DIAPH2: variants seen among roughly 807,000 people sequenced by gnomAD.
DIAPH2 encodes protein diaphanous homolog 2.
Under a neutral mutation model 92.7 loss-of-function variants are expected in DIAPH2, and 35 were observed. The observed-to-expected ratio is 0.38, with a 90% CI of 0.29 to 0.50. The LOEUF is 0.50. Among genes scored for constraint, DIAPH2 ranks in the 20% least tolerant of loss-of-function variants. DIAPH2 has a pLI of 0.94. For synonymous variants in DIAPH2, 301 were observed against 280.4 expected (o/e 1.07, Z -0.73); for missense variants, 701 against 819.5 (o/e 0.86, Z 1.77).
At chrX:97,469,865 T>G (rs999290796) in intron 26 of DIAPH2, 1 of 1,097,402 alleles carries the variant, frequency 9.1e-7, no homozygotes, top group African/African-American at 1.9e-5. Flanking sequence ...CTCTTTTCTT[T>G]CTGCCTAAGG....
At chrX:97,528,026 G>C (rs1016855612) in intron 26 of DIAPH2, among the ~76,000 whole-genome samples, 1 of 111,505 alleles carries the variant, frequency 9.0e-6, no homozygotes. Context: ...TTTGAGAAGA[G>C]GGGGCTTATA....
chrX:96,790,530 T>G lies in DIAPH2; in HGVS notation c.447+32272T>G, dbSNP rs181839581. On this transcript the variant is annotated intron_variant, in intron 4 of 26. Coordinates refer to ENST00000324765, the MANE Select transcript of DIAPH2 (RefSeq NM_006729.5). ...CAATTGGTCATTACCTTGTTGCTTT[T>G]GGAAGAACAATTATGGCTGTTTTAT... Among the ~76,000 whole-genome samples, 184 of 112,022 alleles carry G rather than the reference T, an allele frequency of 1.6e-3. 2 individuals are homozygous for G. The highest frequency in any genetic ancestry group is 5.7e-3 in the African/African-American group (176 of 30,904).
chrX:97,531,203 G>A (rs4828088), intron 26 of DIAPH2, among the ~76,000 whole-genome samples: 43,008 of 110,266 alleles, frequency 0.39, 6,035 homozygotes, highest in East Asian at 0.53. Flanking sequence ...TTCTCCTTCC[G>A]TCTTCCCCCT....
chrX:97,258,046 C>T (rs1002515756), intron 23 of DIAPH2, among the ~76,000 whole-genome samples: 22 of 107,164 alleles, frequency 2.1e-4, no homozygotes, highest in Admixed American at 8.0e-4. Context: ...GCTAACTTTG[C>T]TTTTTGTATG....
chrX:97,374,306 A>C, intron 24 of DIAPH2, among the ~76,000 whole-genome samples: 1 of 111,756 alleles, frequency 8.9e-6, no homozygotes, highest in East Asian at 2.8e-4. Flanking sequence ...GGTCTGTTAT[A>C]CTTCTGTGTT....
At chrX:96,957,217 C>T (rs753652033) in intron 15 of DIAPH2, among the ~76,000 whole-genome samples, 4 of 112,140 alleles carry the variant, frequency 3.6e-5, no homozygotes, top group East Asian at 2.8e-4. Context: ...GACAGGGTTT[C>T]GCCATGTTGG....
chrX:96,900,308 G>T (rs1023214311), intron 5 of DIAPH2, among the ~76,000 whole-genome samples: 1 of 111,257 alleles, frequency 9.0e-6, no homozygotes, highest in Non-Finnish European at 1.9e-5. Flanking sequence ...ACTGATTTGT[G>T]TACATTGATT....
chrX:97,235,730 C>T lies in DIAPH2; in HGVS notation c.2720-11985C>T, dbSNP rs1466598336. Among the ~76,000 whole-genome samples the T allele has an allele frequency of 3.6e-5, 4 of 110,346 alleles. No individual in the cohort carries two copies. The Admixed American group carries it at 3.9e-4, about 11-fold the overall frequency. The stretch of plus-strand genomic sequence containing the variant: ...CGGTGTCCTACAAGACCCTACCTAC[C>T]TCTCAAACTTCATCTCAAATTTTTT... On this transcript the variant is annotated intron_variant, in intron 22 of 26. Coordinates refer to ENST00000324765, the MANE Select transcript of DIAPH2 (RefSeq NM_006729.5).
intron 4 of DIAPH2, among the ~76,000 whole-genome samples, chrX:96,876,295 C>A (rs2065178293): frequency 8.9e-6 from 1 of 111,763 alleles, no homozygotes; most frequent in Admixed American, 9.5e-5. Context: ...AATAGGAACA[C>A]TTTGACACTG....
chrX:97,391,455 C>T (rs984544583), intron 25 of DIAPH2, among the ~76,000 whole-genome samples: 3 of 111,158 alleles, frequency 2.7e-5, no homozygotes, highest in African/African-American at 6.5e-5. Flanking sequence ...ATTGCCATTG[C>T]GAGGTATGTA....
At chrX:97,582,670 G>C (rs1338779527) in intron 26 of DIAPH2, among the ~76,000 whole-genome samples, 1 of 107,513 alleles carries the variant, frequency 9.3e-6, no homozygotes, top group Non-Finnish European at 1.9e-5. Context: ...TGCTCTTCTC[G>C]AGGAGTATCT....
At chrX:97,109,527 A>C (rs2066965054) in intron 20 of DIAPH2, among the ~76,000 whole-genome samples, 1 of 111,410 alleles carries the variant, frequency 9.0e-6, no homozygotes, top group Admixed American at 9.5e-5. Context: ...GAATGCAGAT[A>C]ATTGTTTCCC....
intron 5 of DIAPH2, chrX:96,885,024 G>A (rs1323704868): frequency 2.5e-6 from 3 of 1,208,809 alleles, no homozygotes; most frequent in African/African-American, 3.5e-5. Flanking sequence ...TCAAGGAAGC[G>A]ATTGATTATC....
At chrX:96,791,755 C>A (rs1042255133) in intron 4 of DIAPH2, among the ~76,000 whole-genome samples, 1 of 110,923 alleles carries the variant, frequency 9.0e-6, no homozygotes, top group Non-Finnish European at 1.9e-5. Flanking sequence ...CCTCCAATAA[C>A]GTTTACTGAC....
At chrX:97,581,063 T>A (rs372060896) in intron 26 of DIAPH2, among the ~76,000 whole-genome samples, 1 of 103,428 alleles carries the variant, frequency 9.7e-6, no homozygotes, top group African/African-American at 3.5e-5. Context: ...TCTCTCTTTT[T>A]TTCTTTATTA....
At chrX:96,715,583 T>C (rs2063944974) in intron 1 of DIAPH2, among the ~76,000 whole-genome samples, 1 of 111,839 alleles carries the variant, frequency 8.9e-6, no homozygotes, top group South Asian at 3.7e-4. Flanking sequence ...TCTTTCACCA[T>C]TGGAGTTACA....
intron 23 of DIAPH2, among the ~76,000 whole-genome samples, chrX:97,280,914 T>G (rs2068491629): frequency 8.9e-6 from 1 of 112,188 alleles, no homozygotes; most frequent in Admixed American, 9.6e-5. Flanking sequence ...GATCTTTTTG[T>G]ATAGCTTTTA....
intron 26 of DIAPH2, among the ~76,000 whole-genome samples, chrX:97,569,280 G>A (rs1183951970): frequency 9.0e-6 from 1 of 111,712 alleles, no homozygotes; most frequent in African/African-American, 3.3e-5. Flanking sequence ...TACCAGAGAG[G>A]GCAGTATAGA....
At chrX:97,292,315 A>G (rs781704630) in intron 23 of DIAPH2, among the ~76,000 whole-genome samples, 1 of 111,133 alleles carries the variant, frequency 9.0e-6, no homozygotes, top group South Asian at 3.8e-4. Flanking sequence ...AATTTTTAAA[A>G]CATCCATTTG....
Sources: gnomAD v4.1 joint callset for allele counts (sites outside exome capture counted in the v4.1 genomes callset) on GRCh38, gnomAD v4.1.1 for gene constraint, MANE v1.5 for transcripts, NCBI Gene and HGNC (gene_info 2026-07-23, HGNC 2026-07-21) for gene names.